Variants in ZNF697 observed in about 807,000 individuals in gnomAD.
ZNF697 encodes the protein zinc finger protein 697.
In ZNF697, 23 loss-of-function variants were observed where a neutral mutation model predicts 32.4. The observed-to-expected ratio is 0.71, with a 90% CI of 0.51 to 1.01. The LOEUF (loss-of-function observed/expected upper bound fraction) is 1.01. Ranked by LOEUF, ZNF697 falls within the 50% of genes least tolerant of loss-of-function variation. The pLI, the probability that ZNF697 is intolerant of heterozygous loss-of-function variation, is 0.00. For synonymous variants in ZNF697, 418 were observed against 337.2 expected (o/e 1.24, Z -2.62); for missense variants, 930 against 794.0 (o/e 1.17, Z -2.06).
intron 1 of ZNF697, among the ~76,000 whole-genome samples, chr1:119,631,264 G>C (rs587759181): frequency 2.6e-5 from 4 of 152,236 alleles, no homozygotes; most frequent in African/African-American, 9.6e-5. Flanking sequence ...CCGCGGAGGC[G>C]GTGTCTCCTT....
intron 1 of ZNF697, among the ~76,000 whole-genome samples, chr1:119,646,907 C>T (rs1359723136): frequency 6.6e-6 from 1 of 152,140 alleles, no homozygotes; most frequent in East Asian, 1.9e-4. Flanking sequence ...ACCGCATTTA[C>T]CAGACGCTCA....
In ZNF697 at chr1:119,622,600, C is replaced by CA. The variant is rs1491149756; in HGVS notation, c.*104dup. 1.4e-6 allele frequency: 2 copies of CA among 1,430,074 alleles called. No homozygotes were observed. Among genetic ancestry groups the CA allele is most frequent in the African/African-American group, 2.9e-5 (2 of 69,556 alleles). 88.6% of individuals were successfully genotyped at this position (1,430,074 alleles called of 1,614,324 possible). A position where few individuals can be genotyped will look rare whatever the true frequency, so the allele number is the denominator to read the frequency against. On this transcript the variant is annotated 3_prime_UTR_variant, in exon 3 of 3. Transcript: ENST00000421812. ...ACACCAAAGGCTCCCCAGTCACTCT[C>CA]AGATTGTCCCTCCCGCCCCTTCCCC...
chr1:119,640,135 T>C (rs970214992), intron 1 of ZNF697, among the ~76,000 whole-genome samples: 2 of 152,252 alleles, frequency 1.3e-5, no homozygotes, highest in Non-Finnish European at 2.9e-5. Context: ...ATATCTTATT[T>C]TTGGCTCTCC....
chr1:119,644,554 A>C (rs1380675580), intron 1 of ZNF697, among the ~76,000 whole-genome samples: 3 of 152,210 alleles, frequency 2.0e-5, no homozygotes. Flanking sequence ...TCCAGTCTAC[A>C]CTCAGTTCAG....
chr1:119,626,146 G>C lies in ZNF697; in HGVS notation c.-37-9C>G, dbSNP rs759027983. 2 of 1,610,074 alleles carry C rather than the reference G, an allele frequency of 1.2e-6. No homozygotes were observed. The highest frequency in any genetic ancestry group is 1.7e-6 in the Non-Finnish European group (2 of 1,178,046). On this transcript the variant is annotated splice_polypyrimidine_tract_variant and intron_variant, in intron 1 of 2. Transcript: ENST00000421812. ...GAGGTGACCAGGAATCCCTGCTCCAGAAAAACACAAAGAAAGGTCACGTCA... is the reference window on the plus strand; with the variant it reads ...GAGGTGACCAGGAATCCCTGCTCCACAAAAACACAAAGAAAGGTCACGTCA...
rs750957180 is a variant in ZNF697 at position 119,626,126 on chromosome 1, G to A, written c.-26C>T. On this transcript the variant is annotated 5_prime_UTR_variant, in exon 2 of 3. Transcript: ENST00000421812. ...CCAGGAAGAAAAGAGCAAGGGAGGT[G>A]ACCAGGAATCCCTGCTCCAGAAAAA... The A allele has an allele frequency of 9.9e-6, 16 of 1,612,738 alleles. No homozygotes were observed. The South Asian group carries it at 1.6e-4, about 17-fold the overall frequency.
rs114766580 is a variant in ZNF697 at position 119,642,344 on chromosome 1, T to C, written c.-38+5347A>G. 2.0e-3 allele frequency among the ~76,000 whole-genome samples: 304 copies of C among 152,298 alleles called. 2 individuals are homozygous for C. The highest frequency in any genetic ancestry group is 6.8e-3 in the African/African-American group (282 of 41,548). On this transcript the variant is annotated intron_variant, in intron 1 of 2. Coordinates refer to ENST00000421812, the MANE Select transcript of ZNF697 (RefSeq NM_001080470.2). ...CCATAGAATGTACACCAAGAGTGAA[T>C]CCTAAAGTAAATTATTGATTTTGGG...
At position 119,622,667 on chromosome 1, in the gene ZNF697, C is replaced by A. The variant is rs767673840; in HGVS notation, c.*38G>T. ...TCAGTCCCAGGATATCTACCCCCCA[C>A]AGGCTCCCCAGACGGCAGCCTCCCG... On this transcript the variant is annotated 3_prime_UTR_variant, in exon 3 of 3. Coordinates refer to ENST00000421812, the MANE Select transcript of ZNF697 (RefSeq NM_001080470.2). The A allele has an allele frequency of 1.4e-6, 2 of 1,474,306 alleles. No individual in the cohort carries two copies. The highest frequency in any genetic ancestry group is 1.8e-6 in the Non-Finnish European group (2 of 1,112,458). 91.3% of individuals were successfully genotyped at this position (1,474,306 alleles called of 1,614,324 possible).
intron 1 of ZNF697, among the ~76,000 whole-genome samples, chr1:119,645,459 CT>C (rs1462657212): frequency 6.6e-6 from 1 of 152,094 alleles, no homozygotes; most frequent in Admixed American, 6.5e-5. Context: ...GGGAAGAGTT[CT>C]GTAAGGGAGC....
At chr1:119,638,432 A>G (rs1023447679) in intron 1 of ZNF697, among the ~76,000 whole-genome samples, 5 of 152,190 alleles carry the variant, frequency 3.3e-5, no homozygotes, top group Non-Finnish European at 5.9e-5. Flanking sequence ...TGATCTCACC[A>G]TCAACACTGT....
At chr1:119,631,655 T>C (rs1410304857) in intron 1 of ZNF697, among the ~76,000 whole-genome samples, 2 of 152,160 alleles carry the variant, frequency 1.3e-5, no homozygotes, top group African/African-American at 4.8e-5. Context: ...AGGAGTCATG[T>C]GCCGCGGCGG....
At chr1:119,639,143 C>G (rs1455799930) in intron 1 of ZNF697, among the ~76,000 whole-genome samples, 1 of 152,196 alleles carries the variant, frequency 6.6e-6, no homozygotes, top group Non-Finnish European at 1.5e-5. Context: ...TCTGTTAAAG[C>G]CGTCTTTGTT....
intron 1 of ZNF697, among the ~76,000 whole-genome samples, chr1:119,637,942 T>A (rs587706938): frequency 2.0e-5 from 3 of 149,950 alleles, no homozygotes; most frequent in South Asian, 2.1e-4. Context: ...TGTGTATGTG[T>A]GAGAGAGAGA....
chr1:119,633,485 C>T (rs1557939152), intron 1 of ZNF697, among the ~76,000 whole-genome samples: 1 of 151,968 alleles, frequency 6.6e-6, no homozygotes, highest in Non-Finnish European at 1.5e-5. Context: ...GTAGGGTCAG[C>T]TGACAGGCTG....
In ZNF697 at chr1:119,648,202, T is replaced by TTGGCTGGTTGGCTGGC. The variant is rs1649272248; in HGVS notation, c.-550_-549insGCCAGCCAACCAGCCA. Reference sequence around the variant, plus strand: ...GCTGGGTGGCCCGCTGGCTGGCTGGTTGGCTGGCTGGCTGGCTGGCTGGCT... The same window carrying TTGGCTGGTTGGCTGGC: ...GCTGGGTGGCCCGCTGGCTGGCTGGTTGGCTGGTTGGCTGGCTGGCTGGCTGGCTGGCTGGCTGGCT... On this transcript the variant is annotated 5_prime_UTR_variant, in exon 1 of 3. Coordinates refer to ENST00000421812, the MANE Select transcript of ZNF697 (RefSeq NM_001080470.2). Among the ~76,000 whole-genome samples the TTGGCTGGTTGGCTGGC allele has an allele frequency of 1.3e-5, 2 of 150,298 alleles. No individual in the cohort carries two copies. The highest frequency in any genetic ancestry group is 4.9e-5 in the African/African-American group (2 of 40,954).
At chr1:119,637,698 A>G (rs377690081) in intron 1 of ZNF697, among the ~76,000 whole-genome samples, 2 of 152,228 alleles carry the variant, frequency 1.3e-5, no homozygotes, top group African/African-American at 4.8e-5. Flanking sequence ...TTCCTCTAGA[A>G]AAAAACATAG....
At chr1:119,625,077 G>A (rs956350743) in intron 2 of ZNF697, among the ~76,000 whole-genome samples, 9 of 151,954 alleles carry the variant, frequency 5.9e-5, no homozygotes, top group African/African-American at 1.5e-4. Flanking sequence ...ACACACACCT[G>A]TTGGTCTCTG....
At chr1:119,632,085 G>A (rs1648796726) in intron 1 of ZNF697, among the ~76,000 whole-genome samples, 1 of 152,184 alleles carries the variant, frequency 6.6e-6, no homozygotes, top group African/African-American at 2.4e-5. Context: ...TAAAAAGTCA[G>A]CTAGCCTCTC....
At position 119,624,001 on chromosome 1, in the gene ZNF697, C is replaced by T. The variant is rs755977611; in HGVS notation, c.342G>A (p.Arg114=). ...PGLSESDSIS[R]SLREDDDESA... is the part of the protein sequence containing the mutation. ...TCTCGTCGTCGTCCTCCCGGAGGCTCCGGGATATGCTGTCAGACTCAGACA... is the reference window on the plus strand; with the variant it reads ...TCTCGTCGTCGTCCTCCCGGAGGCTTCGGGATATGCTGTCAGACTCAGACA... The change falls in exon 3 of 3, where the codon CGG becomes CGA. Residue 114 remains arginine, a synonymous_variant. Transcript: ENST00000421812. 10 of 1,612,686 alleles carry T rather than the reference C, an allele frequency of 6.2e-6. No homozygotes were observed. In the East Asian group the frequency reaches 2.0e-4, roughly 32 times the overall value.
Sources: allele counts gnomAD v4.1 joint callset (sites outside exome capture counted in the v4.1 genomes callset), GRCh38; gene constraint gnomAD v4.1.1; transcripts MANE v1.5; gene names NCBI Gene and HGNC (gene_info 2026-07-23, HGNC 2026-07-21).